PPFIA2: variants seen among roughly 807,000 people sequenced by gnomAD.
PPFIA2 encodes PPFI scaffold protein A2.
A neutral mutation model predicts 175.5 loss-of-function variants in PPFIA2; 46 were observed. The observed-to-expected ratio is 0.26, with a 90% confidence interval of 0.21 to 0.34. The LOEUF is 0.34. Ranked by LOEUF, PPFIA2 falls within the 10% of genes least tolerant of loss-of-function variation. PPFIA2 has a pLI of 1.00. For missense variants in PPFIA2, 1,179 were observed against 1,506.1 expected, an observed-to-expected ratio of 0.78 and a Z score of 3.60; for synonymous variants, 568 against 511.4, an observed-to-expected ratio of 1.11 and a Z score of -1.49.
In PPFIA2 at chr12:81,674,604, G is replaced by C. The variant is rs117034655; in HGVS notation, c.303+2187C>G. ...AACCCTTTGAACCCAAAAGGCAGAG[G>C]CTGCAGTGAGATCAGGCTACTGCAC... On this transcript the variant is annotated intron_variant, in intron 4 of 32. Transcript: ENST00000549396. Among the ~76,000 whole-genome samples the C allele has an allele frequency of 6.2e-3, 946 of 152,110 alleles. 34 individuals are homozygous for C. In the East Asian group the frequency reaches 0.09, roughly 15 times the overall value.
chr12:81,306,538 G>GT (rs2049227456), intron 22 of PPFIA2, among the ~76,000 whole-genome samples: 2 of 125,422 alleles, frequency 1.6e-5, no homozygotes, highest in Admixed American at 8.4e-5. Flanking sequence ...TGTTTGTTTC[G>GT]TTGTTTTTTT....
At chr12:81,711,736 C>G (rs1386961016) in intron 3 of PPFIA2, among the ~76,000 whole-genome samples, 1 of 150,470 alleles carries the variant, frequency 6.6e-6, no homozygotes, top group African/African-American at 2.4e-5. Flanking sequence ...GTGTATCTTT[C>G]CGTCTCTGTG....
chr12:81,544,227 T>A (rs1480139000), intron 4 of PPFIA2, among the ~76,000 whole-genome samples: 2 of 152,166 alleles, frequency 1.3e-5, no homozygotes, highest in East Asian at 3.8e-4. Context: ...TATAAAAGCT[T>A]ATTAAAAAAT....
intron 7 of PPFIA2, among the ~76,000 whole-genome samples, chr12:81,426,343 AC>A (rs1248892551): frequency 6.6e-6 from 1 of 152,108 alleles, no homozygotes; most frequent in Non-Finnish European, 1.5e-5. Context: ...TTGATCTGTA[AC>A]CTTTACCTAT....
intron 21 of PPFIA2, among the ~76,000 whole-genome samples, chr12:81,327,995 A>C (rs1207849122): frequency 1.3e-5 from 2 of 152,208 alleles, no homozygotes; most frequent in African/African-American, 2.4e-5. Flanking sequence ...AAGTAAAGCT[A>C]TTTTTAAGCA....
At chr12:81,586,226 A>G (rs1201670469) in intron 4 of PPFIA2, among the ~76,000 whole-genome samples, 1 of 151,990 alleles carries the variant, frequency 6.6e-6, no homozygotes, top group African/African-American at 2.4e-5. Context: ...ATTACAATCA[A>G]GAATATTTAC....
intron 3 of PPFIA2, among the ~76,000 whole-genome samples, chr12:81,744,420 CTTTT>C (rs1167414059): frequency 8.4e-6 from 1 of 118,950 alleles, no homozygotes. Context: ...GAAATGCTTT[CTTTT>C]TTTTTTTTTT....
chr12:81,674,737 A>G (rs1278661977), intron 4 of PPFIA2, among the ~76,000 whole-genome samples: 2 of 152,044 alleles, frequency 1.3e-5, no homozygotes, highest in African/African-American at 4.8e-5. Flanking sequence ...TAGATTATGT[A>G]TAATTTAATC....
At chr12:81,633,543 C>CA (rs76706175) in intron 4 of PPFIA2, among the ~76,000 whole-genome samples, 86 of 145,764 alleles carry the variant, frequency 5.9e-4, no homozygotes, top group East Asian at 5.0e-3. Context: ...GGCAGGACAG[C>CA]AAAAAAAAAA....
chr12:81,694,427 A>C (rs1308213774), intron 3 of PPFIA2, among the ~76,000 whole-genome samples: 1 of 152,130 alleles, frequency 6.6e-6, no homozygotes, highest in Non-Finnish European at 1.5e-5. Flanking sequence ...AGATACTGCT[A>C]GTGCTGCCAG....
At chr12:81,672,649 G>A (rs1262313729) in intron 4 of PPFIA2, among the ~76,000 whole-genome samples, 2 of 152,078 alleles carry the variant, frequency 1.3e-5, no homozygotes, top group African/African-American at 4.8e-5. Context: ...AAAGTATTAA[G>A]TTCTATAGGG....
At chr12:81,267,166 C>A in intron 29 of PPFIA2, 146 bp from the exon 30 acceptor site, 4 of 627,108 alleles carry the variant, frequency 6.4e-6, no homozygotes, top group Non-Finnish European at 8.4e-6. Flanking sequence ...TGTTATTAGC[C>A]ATTGTAAATT....
intron 4 of PPFIA2, among the ~76,000 whole-genome samples, chr12:81,515,633 T>G (rs1288723361): frequency 1.3e-5 from 2 of 152,076 alleles, no homozygotes; most frequent in Non-Finnish European, 2.9e-5. Flanking sequence ...TCTCAGTGAG[T>G]GTCATCTGGA....
intron 4 of PPFIA2, among the ~76,000 whole-genome samples, chr12:81,499,265 G>C (rs1310864872): frequency 6.6e-6 from 1 of 152,160 alleles, no homozygotes; most frequent in Non-Finnish European, 1.5e-5. Flanking sequence ...ACAAAAACTA[G>C]AGAGAATCCC....
intron 4 of PPFIA2, among the ~76,000 whole-genome samples, chr12:81,644,565 T>C (rs545542433): frequency 5.3e-4 from 80 of 152,050 alleles, no homozygotes; most frequent in Non-Finnish European, 8.7e-4. Context: ...TTCTATTTTC[T>C]ACCTTTTTAG....
intron 4 of PPFIA2, among the ~76,000 whole-genome samples, chr12:81,578,964 TA>T (rs1210841330): frequency 6.6e-6 from 1 of 151,808 alleles, no homozygotes; most frequent in Non-Finnish European, 1.5e-5. Context: ...TTGTTTCCCA[TA>T]ATAGTTAAAA....
At chr12:81,427,371 T>C (rs1406054395) in intron 7 of PPFIA2, among the ~76,000 whole-genome samples, 1 of 152,092 alleles carries the variant, frequency 6.6e-6, no homozygotes, top group Non-Finnish European at 1.5e-5. Context: ...AATTATCCTT[T>C]TCTCATACAT....
At chr12:81,633,822 GT>G (rs2063679691) in intron 4 of PPFIA2, among the ~76,000 whole-genome samples, 1 of 151,944 alleles carries the variant, frequency 6.6e-6, no homozygotes, top group Non-Finnish European at 1.5e-5. Context: ...TTTTGTTTTT[GT>G]TTTGTGTTTG....
At chr12:81,298,688 CTA>C (rs2047080316) in intron 23 of PPFIA2, among the ~76,000 whole-genome samples, 1 of 152,166 alleles carries the variant, frequency 6.6e-6, no homozygotes, top group Admixed American at 6.5e-5. Flanking sequence ...CTGCTGCCTC[CTA>C]CACTGTTCAG....
Sources: allele counts gnomAD v4.1 joint callset (sites outside exome capture counted in the v4.1 genomes callset), GRCh38; gene constraint gnomAD v4.1.1; transcripts MANE v1.5; gene names NCBI Gene and HGNC (gene_info 2026-07-23, HGNC 2026-07-21).